Variants in MYH6 observed in about 807,000 individuals in gnomAD.
MYH6 encodes the protein myosin-6.
MYH6 carries 126 observed loss-of-function variants against 223.2 expected under a neutral mutation model. The observed-to-expected ratio is 0.56, with a 90% CI of 0.49 to 0.65. The LOEUF is 0.65. Among genes scored for constraint, MYH6 ranks in the 30% least tolerant of loss-of-function variants. The probability of loss-of-function intolerance (pLI) is 0.00; values close to 1 mark genes in which losing one functional copy is unlikely to be tolerated. For synonymous variants in MYH6, 978 were observed against 1,010.2 expected (o/e 0.97, Z 0.61); for missense variants, 2,040 against 2,536.4 (o/e 0.80, Z 4.20).
At position 23,383,326 on chromosome 14, in the gene MYH6, G is replaced by A. The variant is rs762268691; in HGVS notation, c.5566-6C>T. The A allele has an allele frequency of 8.6e-7, 1 of 1,164,872 alleles. No homozygotes were observed. Among genetic ancestry groups the A allele is most frequent in the Non-Finnish European group, 1.2e-6 (1 of 811,636 alleles). 72.2% of individuals were successfully genotyped at this position (1,164,872 alleles called of 1,614,324 possible). On this transcript the variant is annotated splice_polypyrimidine_tract_variant and splice_region_variant and intron_variant, in intron 36 of 38. Coordinates refer to ENST00000405093, the MANE Select transcript of MYH6 (RefSeq NM_002471.4). ...TTCTTTTTGTCTTCCTCTGTCTGGG[G>A]GTGGGAGGGTGGGAGAAGCTGGTTT...
At chr14:23,385,879 G>A (rs1891001627) in intron 34 of MYH6, 49 bp downstream of exon 34, 1 of 1,613,224 alleles carries the variant, frequency 6.2e-7, no homozygotes, top group Non-Finnish European at 8.5e-7. Context: ...TAGATGTCCT[G>A]GGCTCTGCAC....
intron 12 of MYH6, 148 bp downstream of exon 12, chr14:23,402,316 C>G (rs1891626094): frequency 8.0e-7 from 1 of 1,249,936 alleles, no homozygotes; most frequent in African/African-American, 1.5e-5. Flanking sequence ...GACTCTCTGT[C>G]TGCCCACGTC....
chr14:23,385,834 G>C (rs955353457), intron 34 of MYH6, 94 bp downstream of exon 34: 1 of 1,546,696 alleles, frequency 6.5e-7, no homozygotes, highest in Admixed American at 1.7e-5. Flanking sequence ...TTGTGACCCT[G>C]GCTAGATGTG....
chr14:23,396,581 C>T, intron 19 of MYH6, 113 bp downstream of exon 19: 2 of 1,597,954 alleles, frequency 1.3e-6, no homozygotes, highest in East Asian at 4.5e-5. Context: ...GGTTTCAGCC[C>T]TTGATAAGGT....
At position 23,392,943 on chromosome 14, in the gene MYH6, C is replaced by T. The variant is rs375169402; in HGVS notation, c.3220G>A (p.Asp1074Asn). 2.2e-5 allele frequency: 35 copies of T among 1,614,110 alleles called. No homozygotes were observed. The highest frequency in any genetic ancestry group is 1.3e-5 in the Non-Finnish European group (15 of 1,180,060). ...AGCTTTTCTTCCAGCTGCAGTTTAT[C>T]ATTTTCCAGGTCCATGATGCTCTCC... The part of the protein sequence containing the change: ...TQESIMDLEN[D>N]KLQLEEKLKK... Residue 1074 changes from aspartate to asparagine, a missense_variant, in exon 24 of 39, where the codon GAT (aspartate) becomes AAT (asparagine). Around this residue, in one of 4 missense-constraint regions of MYH6, gnomAD observed 1,203 missense variants for 1,400.2 expected, o/e 0.86. Transcript: ENST00000405093.
At chr14:23,393,147 G>C in intron 23 of MYH6, 90 bp from the exon 24 acceptor site, 1 of 1,558,488 alleles carries the variant, frequency 6.4e-7, no homozygotes, top group East Asian at 2.3e-5. Flanking sequence ...GAAGTCCAGT[G>C]GGATTGGAAG....
At chr14:23,404,583 G>A (rs2138618588) in intron 7 of MYH6, 128 bp downstream of exon 7, 1 of 1,106,788 alleles carries the variant, frequency 9.0e-7, no homozygotes, top group East Asian at 2.5e-5. Flanking sequence ...TCCATACTGG[G>A]CTGACCATCG....
Position 23,385,950 on chromosome 14 carries a change from C to A in MYH6, c.5141G>T (p.Arg1714Leu), listed in dbSNP as rs777682189. The change falls in exon 34 of 39, where the codon CGG (arginine) becomes CTG (leucine). Residue 1714 changes from arginine to leucine, a missense_variant. Coordinates refer to ENST00000405093, the MANE Select transcript of MYH6 (RefSeq NM_002471.4). ...AEQELIETSE[R>L]VQLLHSQNTS... ...CACCTGGGAATGCAGCAGCTGCACC[C>A]GCTCGCTGGTCTCAATCAGCTCCTG... 6.2e-7 allele frequency: 1 copy of A among 1,614,082 alleles called. No homozygotes were observed. Among genetic ancestry groups the A allele is most frequent in the African/African-American group, 1.3e-5 (1 of 74,920 alleles).
chr14:23,400,111 C>T (rs1432281832), intron 14 of MYH6, 145 bp downstream of exon 14: 9 of 1,258,558 alleles, frequency 7.2e-6, no homozygotes, highest in Non-Finnish European at 1.0e-5. Flanking sequence ...TGTTCATGCC[C>T]ATGACTTCAC....
chr14:23,385,095 T>C, intron 34 of MYH6, 54 bp from the exon 35 acceptor site: 2 of 1,609,670 alleles, frequency 1.2e-6, no homozygotes, highest in Non-Finnish European at 1.7e-6. Context: ...TGTTACCTGA[T>C]TTCATACCCT....
At chr14:23,395,182 A>G (rs1380052402) in intron 20 of MYH6, among the ~76,000 whole-genome samples, 1 of 152,244 alleles carries the variant, frequency 6.6e-6, no homozygotes, top group African/African-American at 2.4e-5. Flanking sequence ...TGTATCTTTA[A>G]ACAATGAATG....
chr14:23,407,339 C>T lies in MYH6; in HGVS notation c.-13-103G>A. The T allele has an allele frequency of 7.3e-7, 1 of 1,378,344 alleles. No individual in the cohort carries two copies. The highest frequency in any genetic ancestry group is 1.8e-5 in the Admixed American group (1 of 55,396). The allele number at this position is 1,378,344 out of a possible 1,614,324, so 85.4% of individuals were successfully genotyped here. ...CCCTCCCTACCCCCGCTCCTCTCCTCCACCCTGGGAGAGGCACCTGCTGTT... is the reference window on the plus strand; with the variant it reads ...CCCTCCCTACCCCCGCTCCTCTCCTTCACCCTGGGAGAGGCACCTGCTGTT... On this transcript the variant is annotated intron_variant, in intron 2 of 38. Coordinates refer to ENST00000405093, the MANE Select transcript of MYH6 (RefSeq NM_002471.4). The surrounding 1 kb of genome is among the most constrained non-coding windows in gnomAD (Gnocchi z 5.6).
At position 23,386,566 on chromosome 14, in the gene MYH6, T is replaced by C. The variant is rs1258827113; in HGVS notation, c.4708A>G (p.Ile1570Val). ...ILRAQLEFNQ[I>V]KAEIERKLAE... ...AGCTTCCGCTCGATCTCTGCCTTGA[T>C]CTGGTTGAACTCTAGCTGGGCCCGG... The change falls in exon 33 of 39, where the codon ATC (isoleucine) becomes GTC (valine). Residue 1570 changes from isoleucine to valine, a missense_variant. Physicochemically the swap from Ile to Val is conservative, Grantham distance 29. Transcript: ENST00000405093. 6 of 1,613,510 alleles carry C rather than the reference T, an allele frequency of 3.7e-6. No individual in the cohort carries two copies. In the African/African-American group the frequency reaches 8.0e-5, roughly 22 times the overall value.
At chr14:23,394,350 G>A (rs775387932) in intron 20 of MYH6, 27 bp from the exon 21 acceptor site, 3 of 1,613,946 alleles carry the variant, frequency 1.9e-6, no homozygotes, top group African/African-American at 2.7e-5. Flanking sequence ...GAGGCAGGGT[G>A]GGGCACTATA....
chr14:23,386,220 G>T, intron 33 of MYH6, 89 bp from the exon 34 acceptor site: 1 of 1,612,536 alleles, frequency 6.2e-7, no homozygotes, highest in Admixed American at 1.7e-5. Context: ...AGTAACCCAG[G>T]GGCAGGAGGA....
rs766412039 is a variant in MYH6 at position 23,403,472 on chromosome 14, C to G, written c.800-26G>C. 4 of 1,590,158 alleles carry G rather than the reference C, an allele frequency of 2.5e-6. No homozygotes were observed. The African/African-American group carries it at 4.0e-5, about 16-fold the overall frequency. ...CTGAGGTGGGTGGAGGGGAGGAAGG[C>G]AGGTGAGGAAGGAAAGAGAGTAGAG... On this transcript the variant is annotated intron_variant, in intron 9 of 38. Transcript: ENST00000405093.
Position 23,397,800 on chromosome 14 carries a change from G to A in MYH6, c.1892-187C>T, listed in dbSNP as rs1484061343. ...TGTAAAGAGGATTAGATAAGACCAC[G>A]CCTGTAGGGCAGCTCACTGGTGCTT... On this transcript the variant is annotated intron_variant, in intron 15 of 38. Coordinates refer to ENST00000405093, the MANE Select transcript of MYH6 (RefSeq NM_002471.4). Among the ~76,000 whole-genome samples the A allele has an allele frequency of 2.6e-5, 4 of 152,132 alleles. No individual in the cohort carries two copies. The East Asian group carries it at 5.8e-4, about 22-fold the overall frequency.
intron 12 of MYH6, among the ~76,000 whole-genome samples, chr14:23,402,206 C>A: frequency 6.6e-6 from 1 of 152,156 alleles, no homozygotes; most frequent in East Asian, 1.9e-4. Context: ...AGCTCAGGGG[C>A]TGTGCTTCCT....
intron 34 of MYH6, 129 bp downstream of exon 34, chr14:23,385,799 G>T: frequency 1.5e-6 from 2 of 1,299,206 alleles, no homozygotes; most frequent in Non-Finnish European, 1.1e-6. Context: ...CCACAGATGA[G>T]AGTTGGCCTA....
Sources: gnomAD v4.1 joint callset for allele counts (sites outside exome capture counted in the v4.1 genomes callset) on GRCh38, gnomAD v4.1.1 for gene constraint, gnomAD v4.1.1 regional missense constraint, Gnocchi (gnomAD v3.1) non-coding constraint, MANE v1.5 for transcripts, NCBI Gene and HGNC (gene_info 2026-07-23, HGNC 2026-07-21) for gene names.